The following EYS variants were observed in gnomAD, a reference collection of about 807,000 sequenced individuals.
EYS encodes the protein protein eyes shut homolog.
EYS carries 250 observed loss-of-function variants against 282.1 expected under a neutral mutation model. The observed-to-expected ratio is 0.89, with a 90% confidence interval of 0.80 to 0.98. The LOEUF (loss-of-function observed/expected upper bound fraction) is 0.98, where lower values mean the gene tolerates loss of function less well. EYS is among the 50% of genes least tolerant of loss of function. The pLI is 0.00. For missense variants in EYS, 4,016 were observed against 3,709.0 expected (o/e 1.08, Z -2.15); for synonymous variants, 1,355 against 1,282.9 (o/e 1.06, Z -1.20).
chr6:63,809,082 TC>T (rs1770975865), intron 36 of EYS, among the ~76,000 whole-genome samples: 1 of 152,152 alleles, frequency 6.6e-6, no homozygotes, highest in Non-Finnish European at 1.5e-5. Context: ...AGGGGCTTTT[TC>T]TTTTGGTAAC....
At chr6:64,539,388 T>C (rs980353548) in intron 26 of EYS, among the ~76,000 whole-genome samples, 23 of 151,996 alleles carry the variant, frequency 1.5e-4, no homozygotes, top group Non-Finnish European at 1.9e-4. Context: ...AACCTAGCAA[T>C]ACCCTGTCTC....
chr6:64,392,142 T>C (rs529960200), intron 28 of EYS, among the ~76,000 whole-genome samples: 4 of 143,686 alleles, frequency 2.8e-5, no homozygotes, highest in African/African-American at 1.0e-4. Context: ...CTGAGTGACC[T>C]ACAAAGAGAC....
intron 28 of EYS, among the ~76,000 whole-genome samples, chr6:64,389,551 C>T (rs1218421912): frequency 6.6e-6 from 1 of 152,164 alleles, no homozygotes; most frequent in African/African-American, 2.4e-5. Flanking sequence ...CTTTAATTGG[C>T]ACACAGCCAT....
intron 18 of EYS, among the ~76,000 whole-genome samples, chr6:64,893,308 GT>G (rs1173177893): frequency 6.6e-6 from 1 of 151,946 alleles, no homozygotes; most frequent in Non-Finnish European, 1.5e-5. Context: ...AGTCTTAATT[GT>G]TGCAGGCCAC....
At chr6:64,422,966 CTTTCT>C (rs1406731615) in intron 28 of EYS, among the ~76,000 whole-genome samples, 4 of 79,570 alleles carry the variant, frequency 5.0e-5, no homozygotes, top group African/African-American at 1.5e-4. Flanking sequence ...ATATAAAATA[CTTTCT>C]TTTTTATTTT....
At chr6:64,970,356 C>A (rs1770248075) in intron 14 of EYS, among the ~76,000 whole-genome samples, 1 of 152,072 alleles carries the variant, frequency 6.6e-6, no homozygotes. Context: ...GGCTCCTATG[C>A]CCGGCTAATT....
intron 31 of EYS, among the ~76,000 whole-genome samples, chr6:64,225,738 A>C (rs1454656997): frequency 6.6e-6 from 1 of 152,122 alleles, no homozygotes; most frequent in Non-Finnish European, 1.5e-5. Context: ...TCTCCAGCTG[A>C]GCCCAGTGTT....
At chr6:64,180,620 C>A (rs191055372) in intron 31 of EYS, among the ~76,000 whole-genome samples, 2 of 152,124 alleles carry the variant, frequency 1.3e-5, no homozygotes, top group Admixed American at 1.3e-4. Flanking sequence ...TTGTTGCCAT[C>A]TTTATGTCTA....
chr6:64,399,442 T>C (rs1373411941), intron 28 of EYS, among the ~76,000 whole-genome samples: 1 of 151,846 alleles, frequency 6.6e-6, no homozygotes, highest in Non-Finnish European at 1.5e-5. Flanking sequence ...CATTATTGTC[T>C]ATTTAGTTTA....
At chr6:64,920,859 C>A (rs1048625878) in intron 15 of EYS, among the ~76,000 whole-genome samples, 19 of 152,002 alleles carry the variant, frequency 1.2e-4, no homozygotes, top group Non-Finnish European at 4.4e-5. Context: ...AGATATAGAA[C>A]TTAAACAAAT....
chr6:64,808,739 A>G (rs889178041), intron 22 of EYS, among the ~76,000 whole-genome samples: 13 of 152,110 alleles, frequency 8.5e-5, no homozygotes, highest in African/African-American at 3.1e-4. Context: ...ATCTTTCAAA[A>G]TTTAGTTACT....
At chr6:64,066,237 C>T in intron 33 of EYS, 101 bp downstream of exon 33, 4 of 1,027,012 alleles carry the variant, frequency 3.9e-6, no homozygotes, top group East Asian at 5.4e-5. Context: ...GAGATCACAC[C>T]ACTGCGCTCC....
chr6:65,512,521 G>C (rs1292682813), intron 2 of EYS, among the ~76,000 whole-genome samples: 1 of 148,302 alleles, frequency 6.7e-6, no homozygotes, highest in Non-Finnish European at 1.5e-5. Flanking sequence ...AAATTACATT[G>C]TAAAGTAATT....
chr6:64,473,707 C>A (rs558121672), intron 26 of EYS, among the ~76,000 whole-genome samples: 1 of 152,232 alleles, frequency 6.6e-6, no homozygotes, highest in Non-Finnish European at 1.5e-5. Flanking sequence ...ATCAGTGCTA[C>A]AAATTGGCAC....
At chr6:65,345,153 G>T (rs1770346299) in intron 9 of EYS, among the ~76,000 whole-genome samples, 1 of 151,546 alleles carries the variant, frequency 6.6e-6, no homozygotes, top group Non-Finnish European at 1.5e-5. Flanking sequence ...AAAAAAAGAA[G>T]GAGCTAGGAA....
At chr6:64,143,176 A>G (rs3013167) in intron 31 of EYS, among the ~76,000 whole-genome samples, 109 of 152,176 alleles carry the variant, frequency 7.2e-4, no homozygotes, top group African/African-American at 2.5e-3. Context: ...GGAGAGAGGG[A>G]TGAATAGACC....
chr6:64,916,245 A>T (rs1400970110), intron 15 of EYS, among the ~76,000 whole-genome samples: 1 of 152,196 alleles, frequency 6.6e-6, no homozygotes, highest in Non-Finnish European at 1.5e-5. Context: ...AATTTAAAAG[A>T]GTTTCCTAAG....
At chr6:64,790,116 G>T (rs1294006075) in intron 22 of EYS, among the ~76,000 whole-genome samples, 1 of 151,888 alleles carries the variant, frequency 6.6e-6, no homozygotes, top group Non-Finnish European at 1.5e-5. Flanking sequence ...AAACTAACAG[G>T]AATCTTTTTT....
intron 22 of EYS, among the ~76,000 whole-genome samples, chr6:64,659,059 C>T (rs1768884020): frequency 6.6e-6 from 1 of 152,116 alleles, no homozygotes; most frequent in South Asian, 2.1e-4. Flanking sequence ...TGCAACCAAA[C>T]TAGAACTCAG....
Sources: gnomAD v4.1 joint callset for allele counts (sites outside exome capture counted in the v4.1 genomes callset) on GRCh38, gnomAD v4.1.1 for gene constraint, MANE v1.5 for transcripts, NCBI Gene and HGNC (gene_info 2026-07-23, HGNC 2026-07-21) for gene names.